Variants in IQSEC2 observed in about 807,000 individuals in gnomAD.
IQSEC2 encodes IQ motif and SEC7 domain-containing protein 2.
In IQSEC2, 6 loss-of-function variants were observed where a neutral mutation model predicts 74.6. That is an observed-to-expected ratio of 0.08 (90% CI 0.04 to 0.16). The LOEUF is 0.16. IQSEC2 is among the 10% of genes least tolerant of loss of function. The pLI is 1.00. For synonymous variants in IQSEC2, 494 were observed against 544.5 expected (o/e 0.91, Z 1.29); for missense variants, 734 against 1,306.2 (o/e 0.56, Z 6.75).
At chrX:53,306,153 C>T in intron 1 of IQSEC2, among the ~76,000 whole-genome samples, 1 of 112,328 alleles carries the variant, frequency 8.9e-6, no homozygotes. Context: ...GAAGCCTCAG[C>T]TCAGCCTCCA....
chrX:53,307,353 G>C lies in IQSEC2; in HGVS notation c.707+13064C>G, dbSNP rs1345461906. 3.3e-5 allele frequency among the ~76,000 whole-genome samples: 3 copies of C among 90,542 alleles called. No individual in the cohort carries two copies. In the Admixed American group the frequency reaches 4.2e-4, roughly 13 times the overall value. 78.6% of individuals were successfully genotyped at this position (90,542 alleles called of 115,157 possible). The stretch of plus-strand genomic sequence containing the variant: ...TTCATCATGTTATCATATTGCCCAG[G>C]CTGGTCTCGAACTTCTGGGCTCAAG... On this transcript the variant is annotated intron_variant, in intron 1 of 14. Transcript: ENST00000642864.
intron 1 of IQSEC2, among the ~76,000 whole-genome samples, chrX:53,318,555 T>G (rs2075400012): frequency 1.8e-5 from 2 of 112,314 alleles, no homozygotes; most frequent in South Asian, 7.4e-4. Flanking sequence ...TCTACCTGAT[T>G]CAGGAATCAT....
chrX:53,243,302 G>T, intron 9 of IQSEC2, 30 bp downstream of exon 9: 1 of 1,137,936 alleles, frequency 8.8e-7, no homozygotes. Context: ...CCTGAACCCT[G>T]GCCCCTCTGC....
chrX:53,238,190 C>T lies in IQSEC2; in HGVS notation c.3232G>A (p.Glu1078Lys). ...ATCTCCTGCACCTCCGCAATGGACT[C>T]GCGCAGGTCGGATGTAAAGCGCAGC... ...DRLRFTSDLRESIAEVQEMEK... is the reference protein window; with the variant it reads ...DRLRFTSDLRKSIAEVQEMEK... Residue 1078 changes from glutamate (E) to lysine (K), a missense_variant, in exon 12 of 15, where the codon GAG becomes AAG. Glu to Lys is a moderately conservative substitution (Grantham distance 56). Coordinates refer to ENST00000642864, the MANE Select transcript of IQSEC2 (RefSeq NM_001111125.3). 8.3e-7 allele frequency: 1 copy of T among 1,205,748 alleles called. No homozygotes were observed. Among genetic ancestry groups the T allele is most frequent in the Middle Eastern group, 2.4e-4 (1 of 4,236 alleles).
At chrX:53,230,618 C>G (rs1188792825), downstream of IQSEC2, 1 of 116,867 alleles carries the variant, frequency 8.6e-6, no homozygotes, top group Non-Finnish European at 1.8e-5. Flanking sequence ...GTTTTTGAGA[C>G]AGAGTCTTGC....
intron 1 of IQSEC2, among the ~76,000 whole-genome samples, chrX:53,298,903 C>T (rs1420110236): frequency 3.6e-5 from 4 of 111,414 alleles, no homozygotes; most frequent in Non-Finnish European, 7.5e-5. Context: ...CCTTCATTAC[C>T]TTCCAAGTTC....
intron 7 of IQSEC2, among the ~76,000 whole-genome samples, chrX:53,247,367 T>A (rs2074323516): frequency 8.9e-6 from 1 of 112,498 alleles, no homozygotes; most frequent in Non-Finnish European, 1.9e-5. Flanking sequence ...CCTATCATAA[T>A]CCTGCAAGGT....
At chrX:53,263,295 G>A (rs183814789) in intron 2 of IQSEC2, among the ~76,000 whole-genome samples, 4 of 111,814 alleles carry the variant, frequency 3.6e-5, no homozygotes, top group African/African-American at 1.3e-4. Context: ...GATGCACAGA[G>A]CTGGGATGGA....
At position 53,320,932 on chromosome X, in the gene IQSEC2, C is replaced by G; in HGVS notation, c.192G>C (p.Glu64Asp). The change falls in exon 1 of 15, where the codon GAG becomes GAC. Residue 64 changes from glutamate to aspartate, a missense_variant. Physicochemically the swap from Glu to Asp is conservative, Grantham distance 45 (BLOSUM62 2). This residue lies in a region of IQSEC2 where 134 missense variants were observed against 214.9 expected (regional missense o/e 0.62). Transcript: ENST00000642864. ...LTQENRDLREESQLHRGELHR... is the reference protein window; with the variant it reads ...LTQENRDLREDSQLHRGELHR... ...GCAGCTCCCCGCGGTGCAGCTGGCT[C>G]TCCTCTCGCAGGTCGCGGTTCTCCT... 2 of 1,163,699 alleles carry G rather than the reference C, an allele frequency of 1.7e-6. No homozygotes were observed. Among genetic ancestry groups the G allele is most frequent in the Non-Finnish European group, 2.3e-6 (2 of 872,680 alleles).
Position 53,234,679 on chromosome X carries a change from A to G in IQSEC2, c.4007T>C (p.Leu1336Ser). ...TCTGGGTGCCCTGCCTGGCCGGCCC[A>G]AGGTATAGTGTTGGGGCCCTGGGAC... ...GPVPGPQHYTLGRPGRAPRRG... is the reference protein window; with the variant it reads ...GPVPGPQHYTSGRPGRAPRRG... Residue 1336 changes from leucine to serine, a missense_variant, in exon 15 of 15, where the codon TTG (leucine) becomes TCG (serine). Transcript: ENST00000642864. 8.8e-7 allele frequency: 1 copy of G among 1,139,399 alleles called. No homozygotes were observed. The highest frequency in any genetic ancestry group is 1.2e-6 in the Non-Finnish European group (1 of 858,856). 93.9% of individuals were successfully genotyped at this position (1,139,399 alleles called of 1,213,427 possible). A position where few individuals can be genotyped will look rare whatever the true frequency, so the allele number is the denominator to read the frequency against.
intron 1 of IQSEC2, among the ~76,000 whole-genome samples, chrX:53,309,947 C>T (rs2075305671): frequency 1.8e-5 from 2 of 111,294 alleles, no homozygotes; most frequent in Admixed American, 9.6e-5. Context: ...AGCTTTGATT[C>T]GTTAAGTCAT....
chrX:53,294,398 A>G (rs1339045725), intron 1 of IQSEC2, among the ~76,000 whole-genome samples: 1 of 112,298 alleles, frequency 8.9e-6, no homozygotes, highest in Non-Finnish European at 1.9e-5. Flanking sequence ...TTCATTATGT[A>G]TAGAACAATC....
intron 1 of IQSEC2, among the ~76,000 whole-genome samples, chrX:53,308,880 T>C (rs1223751071): frequency 9.1e-6 from 1 of 110,060 alleles, no homozygotes; most frequent in Non-Finnish European, 1.9e-5. Context: ...TGAGGATCAC[T>C]TGAGCCTAGG....
chrX:53,289,502 C>T (rs1327899582), intron 2 of IQSEC2, among the ~76,000 whole-genome samples: 1 of 111,498 alleles, frequency 9.0e-6, no homozygotes, highest in Non-Finnish European at 1.9e-5. Flanking sequence ...ATCCCACCTC[C>T]GGGGACACCC....
At chrX:53,242,209 G>A (rs943694514) in intron 9 of IQSEC2, among the ~76,000 whole-genome samples, 3 of 110,074 alleles carry the variant, frequency 2.7e-5, no homozygotes, top group African/African-American at 6.6e-5. Flanking sequence ...CGAGGCGAGC[G>A]GATCACTTGA....
chrX:53,311,373 C>T (rs183358193), intron 1 of IQSEC2, among the ~76,000 whole-genome samples: 2 of 109,906 alleles, frequency 1.8e-5, no homozygotes, highest in East Asian at 2.9e-4. Flanking sequence ...TGGTCATGAA[C>T]GCTGCCACTC....
At chrX:53,307,424 G>A (rs1392078067) in intron 1 of IQSEC2, among the ~76,000 whole-genome samples, 3 of 103,307 alleles carry the variant, frequency 2.9e-5, no homozygotes, top group Non-Finnish European at 5.9e-5. Context: ...TTACAGGCAT[G>A]AGCCACCACG....
At chrX:53,279,542 G>A (rs782175715) in intron 2 of IQSEC2, 1 of 1,005,769 alleles carries the variant, frequency 9.9e-7, no homozygotes, top group South Asian at 1.9e-5. Context: ...GGAATTGGGG[G>A]AGGGATGGGT....
chrX:53,231,315 G>C (rs1187007546), downstream of IQSEC2: 6 of 111,184 alleles, frequency 5.4e-5, no homozygotes, highest in Admixed American at 1.9e-4. Context: ...ATTGTGGCAG[G>C]GGGGAAAGCC....
Sources: allele counts gnomAD v4.1 joint callset (sites outside exome capture counted in the v4.1 genomes callset), GRCh38; gene constraint gnomAD v4.1.1; regional missense constraint gnomAD v4.1.1; transcripts MANE v1.5; gene names NCBI Gene and HGNC (gene_info 2026-07-23, HGNC 2026-07-21).